GABBR2: variants seen among roughly 807,000 people sequenced by gnomAD.
GABBR2 encodes the protein gamma-aminobutyric acid type B receptor subunit 2, also known as G-protein coupled receptor 51.
Under a neutral mutation model 105.6 loss-of-function variants are expected in GABBR2, and 23 were observed. The ratio of observed to expected loss-of-function variants is 0.22; its 90% CI spans 0.16 to 0.31. GABBR2 has a LOEUF of 0.31. Ranked by LOEUF, GABBR2 falls within the 10% of genes least tolerant of loss-of-function variation. GABBR2 has a pLI of 1.00. For missense variants in GABBR2, 734 were observed against 1,245.5 expected (o/e 0.59, Z 6.18); for synonymous variants, 478 against 499.7 (o/e 0.96, Z 0.58).
intron 2 of GABBR2, among the ~76,000 whole-genome samples, chr9:98,548,222 A>G (rs1208326242): frequency 8.2e-6 from 1 of 121,442 alleles, no homozygotes; most frequent in Non-Finnish European, 1.8e-5. Flanking sequence ...CAAGAGACAC[A>G]TGTGGACGGC....
intron 3 of GABBR2, among the ~76,000 whole-genome samples, chr9:98,501,563 C>A (rs2131679374): frequency 6.6e-6 from 1 of 152,312 alleles, no homozygotes; most frequent in Middle Eastern, 3.4e-3. Flanking sequence ...GGGCTCAGTT[C>A]TGCTTGCCTT....
At chr9:98,701,919 C>T (rs529457573) in intron 1 of GABBR2, among the ~76,000 whole-genome samples, 50 of 152,202 alleles carry the variant, frequency 3.3e-4, no homozygotes, top group South Asian at 8.3e-4. Context: ...CCAGATTGTA[C>T]GGAAATAATA....
At position 98,421,987 on chromosome 9, in the gene GABBR2, A is replaced by C. The variant is rs77409031; in HGVS notation, c.1237-15846T>G. ...AAACTGATTAATTTGATTATATCAA[A>C]ATTGAGCATTTCCTAGACAAAGGAC... On this transcript the variant is annotated intron_variant, in intron 7 of 18. Coordinates refer to ENST00000259455, the MANE Select transcript of GABBR2 (RefSeq NM_005458.8). Among the ~76,000 whole-genome samples the C allele has an allele frequency of 8.2e-3, 1,252 of 152,348 alleles. 17 individuals are homozygous for C. Among genetic ancestry groups the C allele is most frequent in the East Asian group, 0.029 (151 of 5,190 alleles).
chr9:98,610,817 G>A (rs1829494515), intron 1 of GABBR2, among the ~76,000 whole-genome samples: 1 of 152,052 alleles, frequency 6.6e-6, no homozygotes, highest in Admixed American at 6.5e-5. Context: ...CAGCCACCCT[G>A]TTTGTGGCAA....
intron 14 of GABBR2, 80 bp downstream of exon 14, chr9:98,311,015 A>G: frequency 1.3e-6 from 1 of 766,316 alleles, no homozygotes; most frequent in Middle Eastern, 2.4e-4. Context: ...GTTTATTTTT[A>G]CATTGATGGA....
In GABBR2 at chr9:98,306,084, G is replaced by C. The variant is rs1830546746; in HGVS notation, c.2229+37C>G. On this transcript the variant is annotated intron_variant, in intron 15 of 18. Transcript: ENST00000259455. This position sits in a 1 kb window ranked among gnomAD's most constrained non-coding sequence, Gnocchi z 5.4. ...CAGCAATGCCCCTGTGCTGGAGTCA[G>C]AGGGCAGAGGCCAGGTGGTGGGGCC... is the stretch of plus-strand genomic sequence containing the variant. The C allele has an allele frequency of 1.4e-6, 2 of 1,426,648 alleles. No individual in the cohort carries two copies. The highest frequency in any genetic ancestry group is 2.0e-6 in the Non-Finnish European group (2 of 1,012,724). The allele number at this position is 1,426,648 out of a possible 1,614,324, so 88.4% of individuals were successfully genotyped here.
intron 3 of GABBR2, among the ~76,000 whole-genome samples, chr9:98,504,901 C>T (rs1304745493): frequency 6.6e-6 from 1 of 152,168 alleles, no homozygotes; most frequent in Non-Finnish European, 1.5e-5. Flanking sequence ...TGGAGCTCCC[C>T]AGGAACTGCC....
At chr9:98,295,642 C>T (rs901402510) in intron 17 of GABBR2, among the ~76,000 whole-genome samples, 5 of 152,170 alleles carry the variant, frequency 3.3e-5, no homozygotes, top group Non-Finnish European at 4.4e-5. Flanking sequence ...TCTCCTGCCT[C>T]AGCCTCCCAA....
chr9:98,301,064 T>C (rs1309679467), intron 16 of GABBR2, among the ~76,000 whole-genome samples: 1 of 152,174 alleles, frequency 6.6e-6, no homozygotes, highest in Non-Finnish European at 1.5e-5. Flanking sequence ...TCTGTGCATC[T>C]CTTCATTCAT....
chr9:98,316,254 C>T (rs1357357665), intron 13 of GABBR2, among the ~76,000 whole-genome samples: 2 of 151,924 alleles, frequency 1.3e-5, no homozygotes, highest in East Asian at 1.9e-4. Context: ...TGGGTTCAAG[C>T]GATTCTCCTG....
chr9:98,415,212 T>C (rs1214740131), intron 7 of GABBR2, among the ~76,000 whole-genome samples: 1 of 152,200 alleles, frequency 6.6e-6, no homozygotes, highest in Non-Finnish European at 1.5e-5. Flanking sequence ...TTTTTACTTT[T>C]TAATACTTTA....
At chr9:98,305,227 G>A (rs1464276324) in intron 15 of GABBR2, among the ~76,000 whole-genome samples, 1 of 152,134 alleles carries the variant, frequency 6.6e-6, no homozygotes, top group Non-Finnish European at 1.5e-5. Context: ...GGTCCTAAAG[G>A]TCAGCCCTTC....
chr9:98,510,793 G>C (rs1335907184), intron 3 of GABBR2, among the ~76,000 whole-genome samples: 2 of 152,054 alleles, frequency 1.3e-5, no homozygotes, highest in African/African-American at 4.8e-5. Flanking sequence ...GACCTACAAA[G>C]AGAGTTAGAC....
intron 13 of GABBR2, among the ~76,000 whole-genome samples, chr9:98,348,589 T>C (rs1454409065): frequency 1.3e-5 from 2 of 152,246 alleles, no homozygotes; most frequent in Non-Finnish European, 2.9e-5. Flanking sequence ...TGCATTTCTT[T>C]GTGTTCTCTT....
At chr9:98,493,676 C>G (rs1475790767) in intron 4 of GABBR2, among the ~76,000 whole-genome samples, 1 of 152,176 alleles carries the variant, frequency 6.6e-6, no homozygotes, top group East Asian at 1.9e-4. Context: ...TCCATCTTAT[C>G]CCACAATAAA....
intron 7 of GABBR2, among the ~76,000 whole-genome samples, chr9:98,413,837 G>A (rs1277494896): frequency 1.3e-5 from 2 of 152,206 alleles, no homozygotes; most frequent in Admixed American, 6.5e-5. Flanking sequence ...GAAGGGTGGA[G>A]CAACTCCCTC....
At chr9:98,708,391 G>C (rs964455450) in intron 1 of GABBR2, 26 bp downstream of exon 1, 7 of 1,357,402 alleles carry the variant, frequency 5.2e-6, no homozygotes, top group Non-Finnish European at 5.8e-6. Flanking sequence ...CCGAAGCCCC[G>C]ACGGCAGGGG....
At chr9:98,374,639 C>A (rs1260725560) in intron 11 of GABBR2, among the ~76,000 whole-genome samples, 1 of 152,160 alleles carries the variant, frequency 6.6e-6, no homozygotes, top group Non-Finnish European at 1.5e-5. Context: ...AAACCCTGGG[C>A]GTGTCATCTC....
At chr9:98,404,083 CA>C (rs1297617576) in intron 8 of GABBR2, among the ~76,000 whole-genome samples, 2 of 150,256 alleles carry the variant, frequency 1.3e-5, no homozygotes, top group Non-Finnish European at 3.0e-5. Context: ...AAAGGCAATA[CA>C]ATTGGCATGC....
Sources: gnomAD v4.1 joint callset for allele counts (sites outside exome capture counted in the v4.1 genomes callset) on GRCh38, gnomAD v4.1.1 for gene constraint, Gnocchi (gnomAD v3.1) non-coding constraint, MANE v1.5 for transcripts, NCBI Gene and HGNC (gene_info 2026-07-23, HGNC 2026-07-21) for gene names.